Variants in FUT9 observed in about 807,000 individuals in gnomAD.
FUT9 encodes 4-galactosyl-N-acetylglucosaminide 3-alpha-L-fucosyltransferase 9.
A neutral mutation model predicts 29.7 loss-of-function variants in FUT9; 15 were observed. The ratio of observed to expected loss-of-function variants is 0.51; its 90% confidence interval spans 0.34 to 0.78. The LOEUF (loss-of-function observed/expected upper bound fraction) is 0.78, where lower values mean the gene tolerates loss of function less well. FUT9 is among the 30% of genes least tolerant of loss of function. FUT9 has a pLI of 0.01. For synonymous variants in FUT9, 169 were observed against 153.7 expected, an observed-to-expected ratio of 1.10 and a Z score of -0.74; for missense variants, 319 against 425.4, an observed-to-expected ratio of 0.75 and a Z score of 2.20.
At chr6:96,165,685 G>A (rs1342360936) in intron 2 of FUT9, among the ~76,000 whole-genome samples, 4 of 151,816 alleles carry the variant, frequency 2.6e-5, no homozygotes, top group South Asian at 2.1e-4. Context: ...GCGTGATCTC[G>A]GCTCACTGCA....
intron 1 of FUT9, among the ~76,000 whole-genome samples, chr6:96,084,094 A>G (rs895433072): frequency 6.6e-6 from 1 of 152,122 alleles, no homozygotes; most frequent in Non-Finnish European, 1.5e-5. Context: ...AATTCTAGCC[A>G]TAACAATGAA....
chr6:96,039,236 C>T (rs1419713961), intron 1 of FUT9, among the ~76,000 whole-genome samples: 1 of 151,994 alleles, frequency 6.6e-6, no homozygotes, highest in African/African-American at 2.4e-5. Flanking sequence ...CACACACACA[C>T]GTATATGCCA....
At chr6:96,106,033 A>G (rs1771673477) in intron 1 of FUT9, among the ~76,000 whole-genome samples, 1 of 152,200 alleles carries the variant, frequency 6.6e-6, no homozygotes, top group South Asian at 2.1e-4. Context: ...AACCTGTTCA[A>G]TGAATGTCAG....
intron 1 of FUT9, among the ~76,000 whole-genome samples, chr6:96,028,736 G>A (rs1165822544): frequency 6.6e-6 from 1 of 151,570 alleles, no homozygotes; most frequent in African/African-American, 2.4e-5. Flanking sequence ...CAGCAACTAG[G>A]AGAACTTTGG....
At chr6:96,049,169 A>G (rs932924599) in intron 1 of FUT9, among the ~76,000 whole-genome samples, 1 of 152,158 alleles carries the variant, frequency 6.6e-6, no homozygotes, top group African/African-American at 2.4e-5. Flanking sequence ...AAAGTAATGG[A>G]TAGGAAGAAG....
intron 1 of FUT9, among the ~76,000 whole-genome samples, chr6:96,022,050 C>T (rs890449279): frequency 6.6e-6 from 1 of 151,900 alleles, no homozygotes; most frequent in Non-Finnish European, 1.5e-5. Context: ...TCATGACATT[C>T]GTTGTGTGAA....
At chr6:96,112,485 G>T (rs909634182) in intron 1 of FUT9, among the ~76,000 whole-genome samples, 3 of 152,080 alleles carry the variant, frequency 2.0e-5, no homozygotes, top group Non-Finnish European at 4.4e-5. Flanking sequence ...AGGGTGAAAA[G>T]GTACTAAATT....
intron 2 of FUT9, among the ~76,000 whole-genome samples, chr6:96,186,778 C>A (rs966708869): frequency 6.6e-6 from 1 of 152,008 alleles, no homozygotes; most frequent in Non-Finnish European, 1.5e-5. Flanking sequence ...ACAGAAGATC[C>A]ATGCTCCAGT....
chr6:96,140,245 GTCCATATCACTATTCA>G (rs1448597149), intron 2 of FUT9, among the ~76,000 whole-genome samples: 4 of 152,126 alleles, frequency 2.6e-5, no homozygotes, highest in Non-Finnish European at 5.9e-5. Flanking sequence ...GGACTTTACT[GTCCATATCACTATTCA>G]GCATTTTGGC....
intron 2 of FUT9, among the ~76,000 whole-genome samples, chr6:96,179,851 C>T (rs1045233685): frequency 3.3e-5 from 5 of 152,062 alleles, no homozygotes; most frequent in African/African-American, 1.2e-4. Flanking sequence ...GATTTGCCTA[C>T]TGAACACACA....
chr6:96,130,734 A>G (rs370391700), intron 2 of FUT9, among the ~76,000 whole-genome samples: 11 of 152,162 alleles, frequency 7.2e-5, no homozygotes, highest in African/African-American at 2.4e-4. Flanking sequence ...CTACATACAC[A>G]TGTTTTCCAA....
chr6:96,123,166 T>C (rs1772064562), intron 2 of FUT9, among the ~76,000 whole-genome samples: 1 of 151,204 alleles, frequency 6.6e-6, no homozygotes, highest in African/African-American at 2.4e-5. Flanking sequence ...ATGCATAGTG[T>C]CAATTTGGAC....
chr6:96,060,343 A>G (rs894237905), intron 1 of FUT9, among the ~76,000 whole-genome samples: 1 of 152,224 alleles, frequency 6.6e-6, no homozygotes, highest in Admixed American at 6.5e-5. Flanking sequence ...TACATACTAA[A>G]TTAAACTTAA....
At chr6:96,079,164 A>C (rs978357807) in intron 1 of FUT9, among the ~76,000 whole-genome samples, 1 of 152,074 alleles carries the variant, frequency 6.6e-6, no homozygotes, top group South Asian at 2.1e-4. Flanking sequence ...TTCCCTGTAC[A>C]TTTTCAAAGG....
chr6:96,021,524 C>A (rs1770068995), intron 1 of FUT9, among the ~76,000 whole-genome samples: 1 of 151,964 alleles, frequency 6.6e-6, no homozygotes, highest in Non-Finnish European at 1.5e-5. Flanking sequence ...AGGTTATGAA[C>A]AATATGTGTA....
intron 2 of FUT9, among the ~76,000 whole-genome samples, chr6:96,188,241 TTCTC>T (rs1417831211): frequency 6.6e-6 from 1 of 152,106 alleles, no homozygotes; most frequent in African/African-American, 2.4e-5. Flanking sequence ...AATCTTCATT[TTCTC>T]TCTCTTTTGT....
chr6:96,049,661 T>C (rs969335508), intron 1 of FUT9, among the ~76,000 whole-genome samples: 1 of 152,226 alleles, frequency 6.6e-6, no homozygotes, highest in African/African-American at 2.4e-5. Flanking sequence ...TTACAGCGTC[T>C]GGAGTGAGAA....
chr6:96,138,167 A>T (rs984105028), intron 2 of FUT9, among the ~76,000 whole-genome samples: 1 of 152,184 alleles, frequency 6.6e-6, no homozygotes, highest in Non-Finnish European at 1.5e-5. Context: ...CCCTCTCTTG[A>T]TTAAAAAATA....
At chr6:96,095,442 A>G (rs939152430) in intron 1 of FUT9, among the ~76,000 whole-genome samples, 1 of 152,138 alleles carries the variant, frequency 6.6e-6, no homozygotes, top group Admixed American at 6.6e-5. Flanking sequence ...ACCATTCACC[A>G]TAGCTTTTCC....
Sources: allele counts gnomAD v4.1 joint callset (sites outside exome capture counted in the v4.1 genomes callset), GRCh38; gene constraint gnomAD v4.1.1; transcripts MANE v1.5; gene names NCBI Gene and HGNC (gene_info 2026-07-23, HGNC 2026-07-21).